MTMR1: variants seen among roughly 807,000 people sequenced by gnomAD.
MTMR1 encodes myotubularin related protein 1.
MTMR1 carries 17 observed loss-of-function variants against 51.6 expected under a neutral mutation model. The observed-to-expected ratio is 0.33, with a 90% CI of 0.23 to 0.49. MTMR1 has a LOEUF of 0.49. Ranked by LOEUF, MTMR1 falls within the 20% of genes least tolerant of loss-of-function variation. The pLI is 0.99. For missense variants in MTMR1, 386 were observed against 526.9 expected (o/e 0.73, Z 2.62); for synonymous variants, 201 against 205.6 (o/e 0.98, Z 0.19).
At position 150,737,895 on chromosome X, in the gene MTMR1, C is replaced by T. The variant is rs180910893; in HGVS notation, c.1473+447C>T. On this transcript the variant is annotated intron_variant, in intron 12 of 15. Transcript: ENST00000445323. ...CAGCCTGGCCAACATGGTGAAACCC[C>T]GTCTCTACTAAAAATACAAAAATTA... Among the ~76,000 whole-genome samples the T allele has an allele frequency of 2.3e-3, 259 of 110,882 alleles. 3 individuals carry two copies. The Middle Eastern group carries it at 0.024, about 10-fold the overall frequency.
chrX:150,728,614 ATG>A (rs1350816010), intron 6 of MTMR1, among the ~76,000 whole-genome samples: 1 of 111,377 alleles, frequency 9.0e-6, no homozygotes, highest in Non-Finnish European at 1.9e-5. Context: ...TTAAGTAGAA[ATG>A]TGTGTGATAA....
At chrX:150,725,670 C>G (rs1202226823) in intron 4 of MTMR1, among the ~76,000 whole-genome samples, 1 of 111,743 alleles carries the variant, frequency 8.9e-6, no homozygotes, top group Non-Finnish European at 1.9e-5. Context: ...ACCCTTTATG[C>G]TGTTGTTGTC....
chrX:150,752,766 A>G (rs1439668438), intron 14 of MTMR1, among the ~76,000 whole-genome samples: 12 of 109,465 alleles, frequency 1.1e-4, no homozygotes, highest in Non-Finnish European at 2.3e-4. Flanking sequence ...ATATTCACAT[A>G]TTGTGCAGCC....
intron 3 of MTMR1, chrX:150,714,460 T>C (rs1178148972): frequency 3.1e-6 from 3 of 972,970 alleles, no homozygotes; most frequent in East Asian, 7.6e-5. Flanking sequence ...TTCTTGTCCA[T>C]GCACCTGGTG....
intron 4 of MTMR1, among the ~76,000 whole-genome samples, chrX:150,726,127 G>T (rs782032041): frequency 9.0e-6 from 1 of 111,668 alleles, no homozygotes; most frequent in South Asian, 3.8e-4. Context: ...GAGCATTATC[G>T]CCTGAGCTCC....
intron 15 of MTMR1, among the ~76,000 whole-genome samples, chrX:150,758,410 G>A (rs1349633594): frequency 2.7e-5 from 3 of 112,160 alleles, no homozygotes; most frequent in African/African-American, 9.7e-5. Flanking sequence ...GTGGCTGCCC[G>A]ATGGCTCCAG....
chrX:150,722,793 T>C (rs2041792121), intron 4 of MTMR1, among the ~76,000 whole-genome samples: 1 of 111,125 alleles, frequency 9.0e-6, no homozygotes, highest in South Asian at 3.8e-4. Context: ...ATTTATTCTT[T>C]GTTCTTTTTT....
At chrX:150,712,237 G>A in intron 2 of MTMR1, 105 bp from the exon 3 acceptor site, 5 of 690,529 alleles carry the variant, frequency 7.2e-6, no homozygotes, top group Non-Finnish European at 1.1e-5. Flanking sequence ...TTTACTTAGA[G>A]GATTATGATG....
At chrX:150,694,797 G>A (rs1396359493) in intron 1 of MTMR1, among the ~76,000 whole-genome samples, 1 of 112,164 alleles carries the variant, frequency 8.9e-6, no homozygotes, top group Non-Finnish European at 1.9e-5. Flanking sequence ...AGCACAACAC[G>A]GCTTTTGCTG....
intron 15 of MTMR1, among the ~76,000 whole-genome samples, chrX:150,757,269 C>T (rs5925420): frequency 0.047 from 5,316 of 112,486 alleles, 147 homozygotes; most frequent in Middle Eastern, 0.092. Context: ...GGCCTTAGCT[C>T]CATGCTCCAT....
intron 2 of MTMR1, among the ~76,000 whole-genome samples, chrX:150,703,746 A>C (rs151203457): frequency 1.8e-5 from 2 of 112,167 alleles, no homozygotes; most frequent in Non-Finnish European, 3.8e-5. Flanking sequence ...TGTAATCTAT[A>C]GCCTGGCCTT....
At chrX:150,707,729 C>T (rs2041164461) in intron 2 of MTMR1, among the ~76,000 whole-genome samples, 1 of 112,080 alleles carries the variant, frequency 8.9e-6, no homozygotes, top group African/African-American at 3.2e-5. Flanking sequence ...GGGCATTTGT[C>T]CAAGAGAAAT....
intron 3 of MTMR1, chrX:150,712,628 A>T: frequency 3.0e-6 from 1 of 334,639 alleles, no homozygotes. Context: ...CTTTTGTTGT[A>T]CTACATGAAT....
intron 15 of MTMR1, among the ~76,000 whole-genome samples, chrX:150,756,714 G>C (rs1389075797): frequency 8.9e-6 from 1 of 112,342 alleles, no homozygotes; most frequent in Non-Finnish European, 1.9e-5. Flanking sequence ...GCAGTGGCAT[G>C]AGCTTGGCTC....
chrX:150,718,415 C>T (rs1318216571), intron 3 of MTMR1, among the ~76,000 whole-genome samples: 1 of 111,051 alleles, frequency 9.0e-6, no homozygotes, highest in African/African-American at 3.3e-5. Context: ...TATGTTGTAA[C>T]AATTTGCTAG....
chrX:150,730,394 T>G, intron 7 of MTMR1, 131 bp from the exon 8 acceptor site: 1 of 534,875 alleles, frequency 1.9e-6, no homozygotes, highest in South Asian at 4.7e-5. Flanking sequence ...GCTACTTTGT[T>G]GCTGTAAAAT....
intron 4 of MTMR1, among the ~76,000 whole-genome samples, chrX:150,726,294 C>T (rs1345885021): frequency 8.9e-6 from 1 of 111,814 alleles, no homozygotes; most frequent in Non-Finnish European, 1.9e-5. Context: ...CATCCCCCTA[C>T]CTCTGCCCTG....
intron 15 of MTMR1, among the ~76,000 whole-genome samples, chrX:150,760,884 GC>G (rs1338899846): frequency 1.9e-5 from 2 of 106,962 alleles, no homozygotes; most frequent in Non-Finnish European, 3.9e-5. Flanking sequence ...CTGAGATCGT[GC>G]CGCTGCACTC....
At chrX:150,731,421 T>C (rs367883807) in intron 8 of MTMR1, 49 bp from the exon 9 acceptor site, 2 of 1,080,591 alleles carry the variant, frequency 1.9e-6, no homozygotes, top group African/African-American at 3.7e-5. Flanking sequence ...TTTTTCAAAG[T>C]GTAAAGTCAT....
Sources: allele counts gnomAD v4.1 joint callset (sites outside exome capture counted in the v4.1 genomes callset), GRCh38; gene constraint gnomAD v4.1.1; transcripts MANE v1.5; gene names NCBI Gene and HGNC (gene_info 2026-07-23, HGNC 2026-07-21).